The following SIDT1 variants were observed in gnomAD, a reference collection of about 807,000 sequenced individuals.
SIDT1 encodes SID1 transmembrane family, member 1.
A neutral mutation model predicts 107.5 loss-of-function variants in SIDT1; 101 were observed. That is an observed-to-expected ratio of 0.94 (90% confidence interval 0.80 to 1.11). SIDT1 has a LOEUF of 1.11. Ranked by LOEUF, SIDT1 falls within the 50% of genes least tolerant of loss-of-function variation. SIDT1 has a pLI of 0.00. For synonymous variants in SIDT1, 395 were observed against 398.2 expected (o/e 0.99, Z 0.10); for missense variants, 1,076 against 1,058.2 (o/e 1.02, Z -0.23).
Position 113,622,463 on chromosome 3 carries a change from C to CAAA in SIDT1, c.2091-940_2091-938dup, listed in dbSNP as rs765265068. 1.0e-4 allele frequency among the ~76,000 whole-genome samples: 6 copies of CAAA among 57,982 alleles called. 1 individual carries two copies. Among genetic ancestry groups the CAAA allele is most frequent in the East Asian group, 1.1e-3 (2 of 1,760 alleles). 38.0% of individuals were successfully genotyped at this position (57,982 alleles called of 152,430 possible). On this transcript the variant is annotated intron_variant, in intron 21 of 24. Transcript: ENST00000264852. ...TGGGCAACACAGTGAGACTCCATCT[C>CAAA]AAAAAAAAAAAAAAAAAAAAAAAAA... is the stretch of plus-strand genomic sequence containing the variant.
At position 113,611,572 on chromosome 3, in the gene SIDT1, C is replaced by T. The variant is rs532549340; in HGVS notation, c.1857+428C>T. Among the ~76,000 whole-genome samples, 873 of 152,308 alleles carry T rather than the reference C, an allele frequency of 5.7e-3. 4 individuals are homozygous for T. The highest frequency in any genetic ancestry group is 0.024 in the Middle Eastern group (7 of 294). On this transcript the variant is annotated intron_variant, in intron 18 of 24. Transcript: ENST00000264852. Reference sequence around the variant, plus strand: ...TCCTGACCTCATGATCTGCCCACCTCGGCCTCCCAAAGTGTTGGGATTACA... The same window carrying T: ...TCCTGACCTCATGATCTGCCCACCTTGGCCTCCCAAAGTGTTGGGATTACA...
At chr3:113,572,213 G>A (rs1021642829) in intron 3 of SIDT1, among the ~76,000 whole-genome samples, 1 of 152,204 alleles carries the variant, frequency 6.6e-6, no homozygotes, top group Non-Finnish European at 1.5e-5. Flanking sequence ...AAAAAGAACA[G>A]ATGATAACTT....
chr3:113,595,958 A>G (rs1478094666), intron 10 of SIDT1, among the ~76,000 whole-genome samples: 2 of 152,208 alleles, frequency 1.3e-5, no homozygotes, highest in Non-Finnish European at 2.9e-5. Context: ...AGACAGAGGC[A>G]AGTAAGGACC....
At chr3:113,536,090 G>A (rs4419353) in intron 1 of SIDT1, among the ~76,000 whole-genome samples, 5,595 of 152,126 alleles carry the variant, frequency 0.037, 154 homozygotes, top group African/African-American at 0.072. Context: ...ATACTGTTCC[G>A]ACAATTTACC....
intron 21 of SIDT1, among the ~76,000 whole-genome samples, chr3:113,621,864 G>A (rs765975645): frequency 4.6e-5 from 7 of 152,174 alleles, no homozygotes; most frequent in African/African-American, 9.7e-5. Context: ...TGTTTCACAC[G>A]TACGGTCCAA....
Position 113,533,201 on chromosome 3 carries a change from C to T in SIDT1, c.180C>T (p.Thr60=). Residue 60 remains threonine (T), a synonymous_variant, in exon 1 of 25, where the codon ACC becomes ACT. Transcript: ENST00000264852. Reference sequence around the variant, plus strand: ...ACAGCGGGGTGGTGAACCTCAGCACCGAGAACATCTACTCTTTCAACTACA... The same window carrying T: ...ACAGCGGGGTGGTGAACCTCAGCACTGAGAACATCTACTCTTTCAACTACA... ...HVYSGVVNLS[T]ENIYSFNYTS... is the part of the protein sequence containing the mutation. The T allele has an allele frequency of 6.5e-7, 1 of 1,542,940 alleles. No individual in the cohort carries two copies. Among genetic ancestry groups the T allele is most frequent in the African/African-American group, 1.4e-5 (1 of 70,222 alleles).
intron 7 of SIDT1, 132 bp downstream of exon 7, chr3:113,583,628 G>A (rs1292842072): frequency 1.9e-6 from 1 of 540,266 alleles, no homozygotes; most frequent in Non-Finnish European, 3.3e-6. Context: ...AAAGGCATCT[G>A]AGAGATACTT....
At chr3:113,623,292 A>G in intron 21 of SIDT1, 135 bp from the exon 22 acceptor site, 2 of 518,472 alleles carry the variant, frequency 3.9e-6, no homozygotes, top group Non-Finnish European at 3.4e-6. Context: ...AAAAAAAAAT[A>G]AAATGAACTA....
At position 113,545,114 on chromosome 3, in the gene SIDT1, T is replaced by TAAAAAAAAAA. The variant is rs554009768; in HGVS notation, c.222+11889_222+11898dup. Among the ~76,000 whole-genome samples the TAAAAAAAAAA allele has an allele frequency of 1.6e-3, 122 of 73,966 alleles. 5 individuals carry two copies. Among genetic ancestry groups the TAAAAAAAAAA allele is most frequent in the East Asian group, 0.012 (27 of 2,276 alleles). The allele number at this position is 73,966 out of a possible 152,430, so 48.5% of individuals were successfully genotyped here. The stretch of plus-strand genomic sequence containing the variant: ...CGGGCGACAGAGCGAGAGACTCTGT[T>TAAAAAAAAAA]AAAAAAAAAAAAAAAAAAAAAAAAA... On this transcript the variant is annotated intron_variant, in intron 1 of 24. Transcript: ENST00000264852.
chr3:113,621,172 CAG>C (rs1313935506), intron 21 of SIDT1, among the ~76,000 whole-genome samples: 1 of 152,060 alleles, frequency 6.6e-6, no homozygotes, highest in Non-Finnish European at 1.5e-5. Flanking sequence ...GAGAGAGAGA[CAG>C]AGAGAAAATG....
chr3:113,591,548 A>C (rs977677036), intron 9 of SIDT1, among the ~76,000 whole-genome samples: 1 of 152,324 alleles, frequency 6.6e-6, no homozygotes, highest in South Asian at 2.1e-4. Context: ...ACAAAGTTGC[A>C]GTCATCAAGA....
intron 1 of SIDT1, among the ~76,000 whole-genome samples, chr3:113,562,904 A>G (rs1018794875): frequency 1.3e-5 from 2 of 152,232 alleles, no homozygotes; most frequent in Non-Finnish European, 2.9e-5. Context: ...AAGAAAAAGT[A>G]ATAAAGTTGA....
At chr3:113,541,139 C>T (rs1440565838) in intron 1 of SIDT1, among the ~76,000 whole-genome samples, 1 of 128,420 alleles carries the variant, frequency 7.8e-6, no homozygotes, top group African/African-American at 3.9e-5. Context: ...TATATACACA[C>T]ACATACACAC....
At chr3:113,571,224 C>T (rs987972701) in intron 3 of SIDT1, among the ~76,000 whole-genome samples, 5 of 152,082 alleles carry the variant, frequency 3.3e-5, no homozygotes, top group African/African-American at 4.8e-5. Flanking sequence ...GAGTTCAAGA[C>T]TGGCCTAGGC....
intron 13 of SIDT1, among the ~76,000 whole-genome samples, chr3:113,604,402 G>T (rs1397852449): frequency 6.6e-6 from 1 of 152,172 alleles, no homozygotes; most frequent in East Asian, 1.9e-4. Flanking sequence ...GGGACCATCA[G>T]TTTGGAAACC....
At chr3:113,613,375 G>A (rs867322749) in intron 19 of SIDT1, among the ~76,000 whole-genome samples, 7 of 152,302 alleles carry the variant, frequency 4.6e-5, no homozygotes, top group Middle Eastern at 3.4e-3. Flanking sequence ...GAGTCCTTTG[G>A]CCCTGCAGAC....
intron 9 of SIDT1, among the ~76,000 whole-genome samples, chr3:113,587,877 G>A (rs1943856333): frequency 6.6e-6 from 1 of 152,178 alleles, no homozygotes; most frequent in Admixed American, 6.5e-5. Flanking sequence ...TGACAGTGCT[G>A]ACCAAGAATG....
intron 20 of SIDT1, among the ~76,000 whole-genome samples, chr3:113,618,718 G>T (rs549066051): frequency 6.6e-6 from 1 of 152,358 alleles, no homozygotes; most frequent in South Asian, 2.1e-4. Flanking sequence ...AAGTGGTTAT[G>T]CAAATTAAAG....
chr3:113,615,403 C>T (rs941819725), intron 19 of SIDT1, among the ~76,000 whole-genome samples: 2 of 152,124 alleles, frequency 1.3e-5, no homozygotes, highest in African/African-American at 4.8e-5. Context: ...GACTGGCATT[C>T]GATATCTGTG....
Sources: allele counts gnomAD v4.1 joint callset (sites outside exome capture counted in the v4.1 genomes callset), GRCh38; gene constraint gnomAD v4.1.1; transcripts MANE v1.5; gene names NCBI Gene and HGNC (gene_info 2026-07-23, HGNC 2026-07-21).